The following ARHGAP10 variants were observed in gnomAD, a reference collection of about 807,000 sequenced individuals.
ARHGAP10 encodes rho GTPase-activating protein 10.
ARHGAP10 carries 87 observed loss-of-function variants against 108.6 expected under a neutral mutation model. The observed-to-expected ratio is 0.80, with a 90% CI of 0.67 to 0.96. The LOEUF is 0.96. Among genes scored for constraint, ARHGAP10 ranks in the 40% least tolerant of loss-of-function variants. The probability of loss-of-function intolerance (pLI) is 0.00; values close to 1 mark genes in which losing one functional copy is unlikely to be tolerated. For synonymous variants in ARHGAP10, 347 were observed against 341.1 expected (o/e 1.02, Z -0.19); for missense variants, 939 against 954.5 (o/e 0.98, Z 0.21).
chr4:147,850,007 C>T (rs903093195), intron 4 of ARHGAP10, among the ~76,000 whole-genome samples: 2 of 152,144 alleles, frequency 1.3e-5, no homozygotes, highest in African/African-American at 2.4e-5. Context: ...GGATTGTAAA[C>T]GCACCAATCA....
chr4:148,013,727 A>G (rs997412077), intron 18 of ARHGAP10, among the ~76,000 whole-genome samples: 17 of 152,184 alleles, frequency 1.1e-4, no homozygotes, highest in African/African-American at 3.4e-4. Flanking sequence ...CCAAATGACT[A>G]GGGGTCATGG....
chr4:147,964,999 TTTATTA>T lies in ARHGAP10; in HGVS notation c.1451-19_1451-14del. ...TGTTTTCTTTTTCTTTATTTTTTTC[TTTATTA>T]TTATTTTTTTTTTGGAAGAAAGCGG... On this transcript the variant is annotated intron_variant, in intron 16 of 22. Transcript: ENST00000336498. The T allele has an allele frequency of 6.8e-7, 1 of 1,474,918 alleles. No individual in the cohort carries two copies. The highest frequency in any genetic ancestry group is 9.1e-7 in the Non-Finnish European group (1 of 1,098,968). The allele number at this position is 1,474,918 out of a possible 1,614,324, so 91.4% of individuals were successfully genotyped here.
chr4:147,976,353 C>A (rs1460346343), intron 18 of ARHGAP10, among the ~76,000 whole-genome samples: 3 of 152,182 alleles, frequency 2.0e-5, no homozygotes, highest in Non-Finnish European at 4.4e-5. Flanking sequence ...ACAACAATAG[C>A]AGCAGCAATA....
At chr4:147,754,759 G>A (rs1325982644) in intron 1 of ARHGAP10, among the ~76,000 whole-genome samples, 1 of 152,056 alleles carries the variant, frequency 6.6e-6, no homozygotes, top group East Asian at 1.9e-4. Flanking sequence ...TACATAAGTT[G>A]TACATTCTTC....
At chr4:147,780,967 C>T (rs991533758) in intron 1 of ARHGAP10, among the ~76,000 whole-genome samples, 2 of 152,062 alleles carry the variant, frequency 1.3e-5, no homozygotes, top group African/African-American at 4.8e-5. Flanking sequence ...GAAGACGCTC[C>T]AGAGAATGAG....
chr4:147,983,021 A>T (rs369305141), intron 18 of ARHGAP10, among the ~76,000 whole-genome samples: 2 of 151,632 alleles, frequency 1.3e-5, no homozygotes, highest in South Asian at 4.2e-4. Context: ...GCTGGACTCC[A>T]GGTGTGCATG....
intron 20 of ARHGAP10, among the ~76,000 whole-genome samples, chr4:148,052,435 A>C (rs1729188411): frequency 7.0e-6 from 1 of 143,490 alleles, no homozygotes; most frequent in African/African-American, 2.7e-5. Context: ...CAAAATGAAC[A>C]TATACTGCTT....
At chr4:147,993,191 C>T (rs1300196194) in intron 18 of ARHGAP10, among the ~76,000 whole-genome samples, 1 of 152,096 alleles carries the variant, frequency 6.6e-6, no homozygotes, top group Non-Finnish European at 1.5e-5. Context: ...CTTGATATGA[C>T]AGAGATACAT....
intron 1 of ARHGAP10, among the ~76,000 whole-genome samples, chr4:147,745,584 T>C (rs548626007): frequency 3.0e-4 from 46 of 152,254 alleles, no homozygotes; most frequent in Admixed American, 3.3e-4. Context: ...CCCCGCCTCC[T>C]GGGTTCACGC....
intron 10 of ARHGAP10, among the ~76,000 whole-genome samples, chr4:147,898,768 C>T (rs1275974513): frequency 1.3e-5 from 2 of 151,092 alleles, no homozygotes; most frequent in Non-Finnish European, 2.9e-5. Context: ...CTGTCTTCTT[C>T]TGACCCCTCC....
At chr4:147,835,445 T>A (rs950727998) in intron 3 of ARHGAP10, among the ~76,000 whole-genome samples, 2 of 152,218 alleles carry the variant, frequency 1.3e-5, no homozygotes, top group Non-Finnish European at 2.9e-5. Context: ...GGATCTTGGC[T>A]CACTGCAGCC....
intron 4 of ARHGAP10, among the ~76,000 whole-genome samples, chr4:147,849,935 G>A (rs531368191): frequency 2.6e-5 from 4 of 152,228 alleles, no homozygotes; most frequent in Non-Finnish European, 5.9e-5. Flanking sequence ...CACAGTGAGA[G>A]GTGAAGCCAG....
At chr4:147,929,481 T>C (rs750956721) in intron 13 of ARHGAP10, among the ~76,000 whole-genome samples, 2 of 152,188 alleles carry the variant, frequency 1.3e-5, no homozygotes, top group Non-Finnish European at 2.9e-5. Context: ...CTGTTTATTT[T>C]TATGTAACCC....
At chr4:147,848,320 C>G (rs540922423) in intron 4 of ARHGAP10, among the ~76,000 whole-genome samples, 15 of 152,250 alleles carry the variant, frequency 9.9e-5, no homozygotes, top group Non-Finnish European at 2.9e-5. Flanking sequence ...GGCTCAGACC[C>G]TGTGAACAGT....
At chr4:147,786,361 C>G (rs77059657) in intron 1 of ARHGAP10, among the ~76,000 whole-genome samples, 1 of 152,118 alleles carries the variant, frequency 6.6e-6, no homozygotes, top group South Asian at 2.1e-4. Flanking sequence ...TGAGTAACTG[C>G]CCGGTGAGAC....
At chr4:147,834,836 G>C (rs1192326806) in intron 3 of ARHGAP10, among the ~76,000 whole-genome samples, 1 of 148,578 alleles carries the variant, frequency 6.7e-6, no homozygotes. Context: ...ATCACTGTCT[G>C]ATGGCCCCTC....
intron 19 of ARHGAP10, among the ~76,000 whole-genome samples, chr4:148,033,613 C>T (rs1319779519): frequency 6.6e-6 from 1 of 152,178 alleles, no homozygotes; most frequent in African/African-American, 2.4e-5. Context: ...CATATACACA[C>T]ATACCGCATA....
At chr4:147,765,156 C>T (rs1729745646) in intron 1 of ARHGAP10, among the ~76,000 whole-genome samples, 1 of 152,084 alleles carries the variant, frequency 6.6e-6, no homozygotes. Context: ...GGAGTCCACG[C>T]TATTTTCAGT....
intron 1 of ARHGAP10, among the ~76,000 whole-genome samples, chr4:147,813,569 A>G (rs1410246148): frequency 6.6e-6 from 1 of 152,260 alleles, no homozygotes. Flanking sequence ...GTGACATGGC[A>G]GCAAACCCAG....
Sources: gnomAD v4.1 joint callset for allele counts (sites outside exome capture counted in the v4.1 genomes callset) on GRCh38, gnomAD v4.1.1 for gene constraint, MANE v1.5 for transcripts, NCBI Gene and HGNC (gene_info 2026-07-23, HGNC 2026-07-21) for gene names.